Variants in DHRS2 observed in about 807,000 individuals in gnomAD.
The protein encoded by DHRS2 is dehydrogenase/reductase SDR family member 2, mitochondrial.
In DHRS2, 29 loss-of-function variants were observed where a neutral mutation model predicts 26.3. The observed-to-expected ratio is 1.10, with a 90% CI of 0.82 to 1.50. DHRS2 has a LOEUF of 1.50. DHRS2 is among the 40% of genes most tolerant of loss of function. The pLI is 0.00. For missense variants in DHRS2, 439 were observed against 367.1 expected, an observed-to-expected ratio of 1.20 and a Z score of -1.60; for synonymous variants, 164 against 151.3, an observed-to-expected ratio of 1.08 and a Z score of -0.62.
At position 23,638,963 on chromosome 14, in the gene DHRS2, C is replaced by A. The variant is rs372389341; in HGVS notation, c.99C>A (p.Val33=). 6 of 1,613,846 alleles carry A rather than the reference C, an allele frequency of 3.7e-6. No homozygotes were observed. The African/African-American group carries it at 8.0e-5, about 22-fold the overall frequency. The change falls in exon 2 of 9, where the codon GTC becomes GTA. Residue 33 remains valine (V), a synonymous_variant. Coordinates refer to ENST00000250383, the MANE Select transcript of DHRS2 (RefSeq NM_005794.4). Reference sequence around the variant, plus strand: ...GCACCGGGATAGACAGGAAGGGCGTCCTGGCTAACCGGGTAGCCGTGGTCA... The same window carrying A: ...GCACCGGGATAGACAGGAAGGGCGTACTGGCTAACCGGGTAGCCGTGGTCA... ...MSSTGIDRKG[V]LANRVAVVTG...
chr14:23,640,210 G>A, intron 4 of DHRS2: 9 of 993,854 alleles, frequency 9.1e-6, no homozygotes, highest in Non-Finnish European at 1.1e-5. Context: ...GGATACAGCT[G>A]TGAATGGTTA....
chr14:23,645,124 T>A lies in DHRS2; in HGVS notation c.732-18T>A, dbSNP rs1473985148. The A allele has an allele frequency of 1.9e-6, 3 of 1,613,820 alleles. No homozygotes were observed. The highest frequency in any genetic ancestry group is 2.5e-6 in the Non-Finnish European group (3 of 1,179,836). ...TCAGAGTACAAGATGCTTGACACTG[T>A]GTCCTTCTTCCATCCAGGATTGGGG... On this transcript the variant is annotated intron_variant, in intron 8 of 8. Transcript: ENST00000250383.
At position 23,639,733 on chromosome 14, in the gene DHRS2, G is replaced by T; in HGVS notation, c.319-61G>T. On this transcript the variant is annotated intron_variant, in intron 3 of 8. Coordinates refer to ENST00000250383, the MANE Select transcript of DHRS2 (RefSeq NM_005794.4). ...GCCTGAAGGCCTTATGACCTGGGCT[G>T]CCCTGGGAGGGATAGTCCTCCTCAG... The T allele has an allele frequency of 2.0e-6, 3 of 1,508,964 alleles. No homozygotes were observed. In the East Asian group the frequency reaches 7.3e-5, roughly 37 times the overall value. 93.5% of individuals were successfully genotyped at this position (1,508,964 alleles called of 1,614,324 possible).
intron 4 of DHRS2, chr14:23,641,762 C>T (rs1455491112): frequency 7.8e-7 from 1 of 1,288,800 alleles, no homozygotes; most frequent in African/African-American, 1.5e-5. Flanking sequence ...AAATGGGCCA[C>T]AGCAACATTC....
chr14:23,643,384 C>T (rs748569930), intron 5 of DHRS2, 165 bp downstream of exon 5: 10 of 646,616 alleles, frequency 1.5e-5, no homozygotes, highest in Non-Finnish European at 1.9e-5. Context: ...GCTGCCATTC[C>T]CAATTCCAGT....
Position 23,639,791 on chromosome 14 carries a change from C to G in DHRS2, c.319-3C>G. ...CCACACTCATCCAATCTCCTCTCCG[C>G]AGGCCCTGGAGCACTGTGGGGGCGT... On this transcript the variant is annotated splice_polypyrimidine_tract_variant and splice_region_variant and intron_variant, in intron 3 of 8. Transcript: ENST00000250383. The G allele has an allele frequency of 6.2e-7, 1 of 1,602,842 alleles. No homozygotes were observed.
intron 4 of DHRS2, 39 bp from the exon 5 acceptor site, chr14:23,643,113 T>C (rs996253911): frequency 1.2e-6 from 2 of 1,607,110 alleles, no homozygotes; most frequent in South Asian, 2.2e-5. Context: ...GGGCTGACCA[T>C]GTCTCTCTGC....
chr14:23,638,584 T>C (rs1281044486), intron 1 of DHRS2: 2 of 373,522 alleles, frequency 5.4e-6, no homozygotes, highest in Non-Finnish European at 9.9e-6. Context: ...AAAATCACCC[T>C]TGTCTAATGA....
chr14:23,643,356 T>A, intron 5 of DHRS2, 137 bp downstream of exon 5: 1 of 767,362 alleles, frequency 1.3e-6, no homozygotes, highest in Non-Finnish European at 2.2e-6. Flanking sequence ...CTTCTTGTCC[T>A]GCCTCCCCAT....
At position 23,639,864 on chromosome 14, in the gene DHRS2, C is replaced by G. The variant is rs1223866589; in HGVS notation, c.389C>G (p.Thr130Ser). The change falls in exon 4 of 9, where the codon ACT (threonine) becomes AGT (serine). Residue 130 changes from threonine (T) to serine (S), a missense_variant. Transcript: ENST00000250383. ...SAGVNPLVGS[T>S]LGTSEQIWDK... is the part of the protein sequence containing the mutation. ...GGGGTCAACCCTCTGGTAGGGAGCA[C>G]TCTGGGGACCAGTGAGCAGATCTGG... The G allele has an allele frequency of 6.2e-7, 1 of 1,608,962 alleles. No homozygotes were observed. The highest frequency in any genetic ancestry group is 1.3e-5 in the African/African-American group (1 of 74,626).
In DHRS2 at chr14:23,636,984, G is replaced by A. The variant is rs142275379; in HGVS notation, c.-39+212G>A. Among the ~76,000 whole-genome samples the A allele has an allele frequency of 3.7e-3, 556 of 152,278 alleles. 2 individuals carry two copies. The highest frequency in any genetic ancestry group is 0.013 in the African/African-American group (528 of 41,550). On this transcript the variant is annotated intron_variant, in intron 1 of 8. Coordinates refer to ENST00000250383, the MANE Select transcript of DHRS2 (RefSeq NM_005794.4). ...GTTGTTTTGCCTGGAACCAGCTTCC[G>A]CTTTTCCTGTACTTCTGGGCTGAGC... is the stretch of plus-strand genomic sequence containing the variant.
chr14:23,630,207 G>T (rs1447581531), exon 1 of DHRS2: 1 of 152,296 alleles, frequency 6.6e-6, no homozygotes. Flanking sequence ...CTGCCAAACT[G>T]CACTCCAGAC....
Position 23,637,202 on chromosome 14 carries a change from T to A in DHRS2, c.-39+430T>A, listed in dbSNP as rs148005204. The stretch of plus-strand genomic sequence containing the variant: ...AAACTTTCTCTCTCCTCTCTTCTCC[T>A]AGGCTAGTCCCACTTCTAAAAAACC... On this transcript the variant is annotated intron_variant, in intron 1 of 8. Coordinates refer to ENST00000250383, the MANE Select transcript of DHRS2 (RefSeq NM_005794.4). 3.1e-3 allele frequency among the ~76,000 whole-genome samples: 468 copies of A among 152,342 alleles called. 2 individuals carry two copies. The highest frequency in any genetic ancestry group is 0.011 in the African/African-American group (452 of 41,582).
At chr14:23,643,314 C>G in intron 5 of DHRS2, 95 bp downstream of exon 5, 1 of 1,148,204 alleles carries the variant, frequency 8.7e-7, no homozygotes. Flanking sequence ...GGGTAGAGGA[C>G]AGAAGAGGTC....
At chr14:23,643,079 A>G in intron 4 of DHRS2, 73 bp from the exon 5 acceptor site, 1 of 1,487,270 alleles carries the variant, frequency 6.7e-7, no homozygotes, top group Non-Finnish European at 9.4e-7. Context: ...ACAGGGCTCC[A>G]AGTGTCTTAT....
chr14:23,643,490 G>C (rs1011917336), intron 5 of DHRS2: 14 of 453,626 alleles, frequency 3.1e-5, no homozygotes, highest in Non-Finnish European at 5.2e-5. Context: ...TTAACTCCTT[G>C]ACCTTGTGGG....
chr14:23,633,137 A>G (rs1428061743), upstream of DHRS2, among the ~76,000 whole-genome samples: 1 of 152,216 alleles, frequency 6.6e-6, no homozygotes, highest in Non-Finnish European at 1.5e-5. Flanking sequence ...TTTCCAGTTC[A>G]TGGTGATATA....
rs781260739 is a variant in DHRS2 at position 23,638,841 on chromosome 14, G to A, written c.-24G>A. ...CTTTCCCCCAGGCCTGATTCAGCAGGAAGCATCTCAGACACCAACCACTAT... is the reference window on the plus strand; with the variant it reads ...CTTTCCCCCAGGCCTGATTCAGCAGAAAGCATCTCAGACACCAACCACTAT... On this transcript the variant is annotated 5_prime_UTR_variant, in exon 2 of 9. Coordinates refer to ENST00000250383, the MANE Select transcript of DHRS2 (RefSeq NM_005794.4). 2 of 1,608,148 alleles carry A rather than the reference G, an allele frequency of 1.2e-6. No individual in the cohort carries two copies. The highest frequency in any genetic ancestry group is 8.5e-7 in the Non-Finnish European group (1 of 1,176,202).
At chr14:23,631,929 T>C (rs1778117826), upstream of DHRS2, among the ~76,000 whole-genome samples, 1 of 152,248 alleles carries the variant, frequency 6.6e-6, no homozygotes, top group South Asian at 2.1e-4. Flanking sequence ...ACTTCATCTC[T>C]GCAGGTTGTT....
Sources: gnomAD v4.1 joint callset for allele counts (sites outside exome capture counted in the v4.1 genomes callset) on GRCh38, gnomAD v4.1.1 for gene constraint, MANE v1.5 for transcripts, NCBI Gene and HGNC (gene_info 2026-07-23, HGNC 2026-07-21) for gene names.